Variants in SNX25 observed in about 807,000 individuals in gnomAD.
SNX25 encodes the protein sorting nexin-25.
SNX25 carries 62 observed loss-of-function variants against 113.7 expected under a neutral mutation model. The ratio of observed to expected loss-of-function variants is 0.55; its 90% CI spans 0.44 to 0.67. SNX25 has a LOEUF of 0.67. Ranked by LOEUF, SNX25 falls within the 30% of genes least tolerant of loss-of-function variation. The pLI is 0.00. For missense variants in SNX25, 1,014 were observed against 1,161.0 expected (o/e 0.87, Z 1.84); for synonymous variants, 421 against 436.2 (o/e 0.97, Z 0.43).
intron 1 of SNX25, among the ~76,000 whole-genome samples, chr4:185,221,530 C>T (rs981552276): frequency 3.9e-5 from 6 of 152,108 alleles, no homozygotes; most frequent in Non-Finnish European, 8.8e-5. Context: ...TAGCTACCGT[C>T]ATGTCCCACC....
chr4:185,347,597 A>G (rs562730407), intron 13 of SNX25, among the ~76,000 whole-genome samples: 118 of 152,098 alleles, frequency 7.8e-4, no homozygotes, highest in Middle Eastern at 6.8e-3. Context: ...AAGCCTCCCA[A>G]GTAGCTGGGA....
downstream of SNX25, chr4:185,365,255 A>G (rs1038144850): frequency 3.3e-5 from 5 of 152,218 alleles, no homozygotes; most frequent in Non-Finnish European, 7.3e-5. Context: ...CATGTATGGC[A>G]CACGTCAAAG....
chr4:185,240,441 A>T (rs1285902386), intron 1 of SNX25, among the ~76,000 whole-genome samples: 1 of 143,098 alleles, frequency 7.0e-6, no homozygotes, highest in African/African-American at 2.7e-5. Context: ...GGCCGGGCAG[A>T]GGGGCTCCTC....
intron 1 of SNX25, among the ~76,000 whole-genome samples, chr4:185,223,824 ATTAAT>A (rs1378362143): frequency 6.6e-6 from 1 of 151,990 alleles, no homozygotes; most frequent in Non-Finnish European, 1.5e-5. Flanking sequence ...ACCTAGATCC[ATTAAT>A]TTATTAGGAG....
At chr4:185,308,650 A>G (rs1226441793) in intron 6 of SNX25, among the ~76,000 whole-genome samples, 2 of 152,230 alleles carry the variant, frequency 1.3e-5, no homozygotes, top group African/African-American at 4.8e-5. Flanking sequence ...GCTGCCAGGC[A>G]CTGTTGTAGG....
chr4:185,229,972 G>A (rs1468539904), intron 1 of SNX25, among the ~76,000 whole-genome samples: 1 of 152,110 alleles, frequency 6.6e-6, no homozygotes, highest in African/African-American at 2.4e-5. Flanking sequence ...GGGACTACAG[G>A]GACGTGCCAC....
At chr4:185,317,706 GT>G (rs2095086049) in intron 7 of SNX25, among the ~76,000 whole-genome samples, 1 of 151,982 alleles carries the variant, frequency 6.6e-6, no homozygotes, top group South Asian at 2.1e-4. Flanking sequence ...AACACCACAT[GT>G]TTTCACTCAT....
intron 2 of SNX25, among the ~76,000 whole-genome samples, chr4:185,253,186 A>G (rs1745913901): frequency 2.0e-5 from 3 of 152,348 alleles, no homozygotes; most frequent in East Asian, 1.9e-4. Context: ...ATTTAATTGT[A>G]TAATTATTGA....
At chr4:185,318,253 A>T (rs1287071398) in intron 7 of SNX25, among the ~76,000 whole-genome samples, 2 of 152,198 alleles carry the variant, frequency 1.3e-5, no homozygotes, top group African/African-American at 2.4e-5. Flanking sequence ...TTTGAATTCT[A>T]CTAATTGCAT....
At chr4:185,246,168 C>T (rs535680846) in intron 1 of SNX25, among the ~76,000 whole-genome samples, 1 of 152,252 alleles carries the variant, frequency 6.6e-6, no homozygotes, top group Admixed American at 6.5e-5. Context: ...GCCTGAAGTC[C>T]CAGCTACTCT....
At chr4:185,376,443 C>CTTTTTTTTTTT in the SNX25 span, among the ~76,000 whole-genome samples, 615 of 105,852 alleles carry the variant, frequency 5.8e-3, no homozygotes, top group Non-Finnish European at 7.7e-3. Context: ...TGCCCAGCTA[C>CTTTTTTTTTTT]TTTTTTTTTT....
In SNX25 at chr4:185,327,923, T is replaced by C. The variant is rs568739334; in HGVS notation, c.1749+4123T>C. 4.6e-5 allele frequency among the ~76,000 whole-genome samples: 7 copies of C among 152,362 alleles called. No individual in the cohort carries two copies. In the East Asian group the frequency reaches 1.3e-3, roughly 29 times the overall value. Reference sequence around the variant, plus strand: ...TCGGCAGAGATAAGTATGAAATTGCTTGATCGATAAATGCAAACAAAAATG... The same window carrying C: ...TCGGCAGAGATAAGTATGAAATTGCCTGATCGATAAATGCAAACAAAAATG... On this transcript the variant is annotated intron_variant, in intron 9 of 18. Coordinates refer to ENST00000652585, the MANE Select transcript of SNX25 (RefSeq NM_001378034.2).
rs117110279 is a variant in SNX25 at position 185,284,054 on chromosome 4, A to G, written c.1092-3958A>G. 4.7e-3 allele frequency among the ~76,000 whole-genome samples: 710 copies of G among 152,332 alleles called. 14 individuals are homozygous for G. The South Asian group carries it at 0.055, about 12-fold the overall frequency. On this transcript the variant is annotated intron_variant, in intron 5 of 18. Transcript: ENST00000652585. ...ATGTTGACTCTTGTTAATTTAGCTC[A>G]TTAATATCTATTGAGTGCCTACCAT...
At chr4:185,335,316 T>TCTCACACACACA (rs1303921565) in intron 10 of SNX25, among the ~76,000 whole-genome samples, 1 of 140,806 alleles carries the variant, frequency 7.1e-6, no homozygotes, top group East Asian at 2.1e-4. Context: ...TGAAAAAGTC[T>TCTCACACACACA]CACACACACA....
intron 9 of SNX25, among the ~76,000 whole-genome samples, chr4:185,324,514 G>T (rs1292542148): frequency 6.6e-6 from 1 of 151,930 alleles, no homozygotes; most frequent in Non-Finnish European, 1.5e-5. Flanking sequence ...GAAGTTTATT[G>T]CAAGGTTGGA....
At chr4:185,250,440 A>G (rs1018759992) in intron 2 of SNX25, among the ~76,000 whole-genome samples, 1 of 152,188 alleles carries the variant, frequency 6.6e-6, no homozygotes, top group Non-Finnish European at 1.5e-5. Flanking sequence ...CCCAGATTTC[A>G]TGGTGTTTAT....
chr4:185,349,839 T>C (rs1216655197), intron 13 of SNX25, among the ~76,000 whole-genome samples: 1 of 152,262 alleles, frequency 6.6e-6, no homozygotes, highest in African/African-American at 2.4e-5. Flanking sequence ...AATATGCTGA[T>C]TGTATTAAGT....
At chr4:185,253,559 C>T (rs950541250) in intron 2 of SNX25, among the ~76,000 whole-genome samples, 5 of 151,906 alleles carry the variant, frequency 3.3e-5, no homozygotes, top group African/African-American at 1.2e-4. Flanking sequence ...CCTCCGCCTC[C>T]TGGGTTCAAG....
chr4:185,327,218 G>A (rs1396196539), intron 9 of SNX25, among the ~76,000 whole-genome samples: 1 of 152,184 alleles, frequency 6.6e-6, no homozygotes, highest in Non-Finnish European at 1.5e-5. Context: ...ACTAGGTGGA[G>A]AGCCTAGGAC....
Sources: allele counts gnomAD v4.1 joint callset (sites outside exome capture counted in the v4.1 genomes callset), GRCh38; gene constraint gnomAD v4.1.1; transcripts MANE v1.5; gene names NCBI Gene and HGNC (gene_info 2026-07-23, HGNC 2026-07-21).